Variants in FBXL13 observed in about 807,000 individuals in gnomAD.
FBXL13 encodes F-box and leucine-rich repeat protein 13.
FBXL13 carries 67 observed loss-of-function variants against 83.6 expected under a neutral mutation model. That is an observed-to-expected ratio of 0.80 (90% CI 0.66 to 0.98). The LOEUF (loss-of-function observed/expected upper bound fraction) is 0.98. Among genes scored for constraint, FBXL13 ranks in the 50% least tolerant of loss-of-function variants. The probability of loss-of-function intolerance (pLI) is 0.00; values close to 1 mark genes in which losing one functional copy is unlikely to be tolerated. For synonymous variants in FBXL13, 272 were observed against 299.5 expected (o/e 0.91, Z 0.95); for missense variants, 822 against 866.5 (o/e 0.95, Z 0.64).
At chr7:102,912,564 C>T (rs937735993) in intron 11 of FBXL13, among the ~76,000 whole-genome samples, 5 of 151,982 alleles carry the variant, frequency 3.3e-5, no homozygotes, top group African/African-American at 9.7e-5. Flanking sequence ...TATTTTCCCA[C>T]GCAGATCTCA....
At chr7:103,004,377 G>C (rs1475185543) in intron 6 of FBXL13, among the ~76,000 whole-genome samples, 2 of 152,218 alleles carry the variant, frequency 1.3e-5, no homozygotes, top group African/African-American at 4.8e-5. Context: ...CCAACTGTGT[G>C]AGAAGAACAC....
At chr7:102,934,198 A>G (rs777751091) in intron 8 of FBXL13, 7 of 1,614,150 alleles carry the variant, frequency 4.3e-6, no homozygotes, top group Middle Eastern at 1.6e-4. Context: ...AGATCCGCAC[A>G]TTGAAGAACA....
intron 8 of FBXL13, among the ~76,000 whole-genome samples, chr7:102,960,291 T>C (rs955947982): frequency 6.6e-6 from 1 of 151,900 alleles, no homozygotes; most frequent in Non-Finnish European, 1.5e-5. Flanking sequence ...CAGGAAGAAG[T>C]TGAATCTCTG....
At chr7:102,832,670 C>T (rs1337581503) in intron 18 of FBXL13, among the ~76,000 whole-genome samples, 170 bp downstream of exon 19, 1 of 152,192 alleles carries the variant, frequency 6.6e-6, no homozygotes, top group African/African-American at 2.4e-5. Flanking sequence ...TACTTTGACA[C>T]CAGTGGAATC....
At chr7:102,825,384 C>A (rs922899293) in intron 18 of FBXL13, among the ~76,000 whole-genome samples, 15 of 152,220 alleles carry the variant, frequency 9.9e-5, no homozygotes, top group African/African-American at 3.6e-4. Flanking sequence ...ATGCTCATCT[C>A]CCTTGCCATG....
At chr7:102,990,991 C>A (rs946042846) in intron 6 of FBXL13, among the ~76,000 whole-genome samples, 2 of 152,146 alleles carry the variant, frequency 1.3e-5, no homozygotes, top group African/African-American at 2.4e-5. Context: ...TAAATGTGAT[C>A]TGAGAAAGAC....
intron 8 of FBXL13, chr7:102,939,586 G>C (rs1247458240): frequency 6.2e-7 from 1 of 1,612,700 alleles, no homozygotes; most frequent in Non-Finnish European, 8.5e-7. Context: ...ATCGATCCTG[G>C]TAAGTTCCCC....
intron 6 of FBXL13, chr7:102,978,686 GT>G: frequency 4.3e-6 from 1 of 234,840 alleles, no homozygotes. Flanking sequence ...CGTGTTGTCT[GT>G]TGGCACACTC....
Position 102,926,270 on chromosome 7 carries a change from T to C in FBXL13, c.878+4A>G. 6.2e-7 allele frequency: 1 copy of C among 1,611,850 alleles called. No homozygotes were observed. Among genetic ancestry groups the C allele is most frequent in the African/African-American group, 1.3e-5 (1 of 74,948 alleles). On this transcript the variant is annotated splice_donor_region_variant and intron_variant, in intron 10 of 19. Transcript: ENST00000313221. ...CAGTGTCATACAAATAACACAAACA[T>C]TACCTCGGCAGGAGTCGCATCGTCC...
At chr7:102,835,888 C>T (rs916495203) in intron 17 of FBXL13, among the ~76,000 whole-genome samples, 6 of 152,082 alleles carry the variant, frequency 3.9e-5, no homozygotes, top group Non-Finnish European at 4.4e-5. Context: ...GGATTACAGG[C>T]GTGAGCCACC....
chr7:103,061,957 A>C (rs1797954604), intron 1 of FBXL13, among the ~76,000 whole-genome samples: 1 of 142,558 alleles, frequency 7.0e-6, no homozygotes, highest in Non-Finnish European at 1.5e-5. Context: ...AAAAAAAAAA[A>C]CCTGATTGGC....
intron 8 of FBXL13, among the ~76,000 whole-genome samples, chr7:102,950,759 G>T (rs1251164215): frequency 6.6e-6 from 1 of 152,074 alleles, no homozygotes; most frequent in Non-Finnish European, 1.5e-5. Context: ...ATCCAAAAAG[G>T]CTACATACTG....
At chr7:102,870,343 A>C (rs1299793403) in intron 16 of FBXL13, among the ~76,000 whole-genome samples, 1 of 152,194 alleles carries the variant, frequency 6.6e-6, no homozygotes, top group African/African-American at 2.4e-5. Flanking sequence ...TTAAAGAAAG[A>C]ATGAATCCAT....
At chr7:102,935,778 G>T (rs1820192859) in intron 8 of FBXL13, among the ~76,000 whole-genome samples, 1 of 152,128 alleles carries the variant, frequency 6.6e-6, no homozygotes, top group Non-Finnish European at 1.5e-5. Context: ...TAATTTATTT[G>T]TAATATTAAA....
intron 2 of FBXL13, among the ~76,000 whole-genome samples, chr7:103,046,062 G>C (rs1796243763): frequency 6.6e-6 from 1 of 152,162 alleles, no homozygotes; most frequent in Non-Finnish European, 1.5e-5. Flanking sequence ...CAAGAGTTTA[G>C]AGTATGCTCC....
chr7:102,854,443 G>A (rs1584639521), intron 17 of FBXL13, among the ~76,000 whole-genome samples: 1 of 152,114 alleles, frequency 6.6e-6, no homozygotes, highest in East Asian at 1.9e-4. Context: ...AGTGGGTGCA[G>A]CGCACCAGCA....
At chr7:102,997,337 T>C (rs560616938) in intron 6 of FBXL13, among the ~76,000 whole-genome samples, 1 of 152,336 alleles carries the variant, frequency 6.6e-6, no homozygotes, top group East Asian at 1.9e-4. Flanking sequence ...ACACGTGATA[T>C]TTTAATATAT....
intron 19 of FBXL13, among the ~76,000 whole-genome samples, chr7:102,820,067 T>C (rs937594991): frequency 6.6e-6 from 1 of 152,234 alleles, no homozygotes; most frequent in Non-Finnish European, 1.5e-5. Flanking sequence ...GGAGCTTTAC[T>C]AGTCCAAACA....
intron 11 of FBXL13, among the ~76,000 whole-genome samples, chr7:102,912,685 A>AC (rs1814977086): frequency 1.3e-5 from 1 of 75,054 alleles, no homozygotes; most frequent in Admixed American, 1.4e-4. Context: ...CCCCCCCCCC[A>AC]AAAAAAAACC....
Sources: gnomAD v4.1 joint callset for allele counts (sites outside exome capture counted in the v4.1 genomes callset) on GRCh38, gnomAD v4.1.1 for gene constraint, MANE v1.5 for transcripts, NCBI Gene and HGNC (gene_info 2026-07-23, HGNC 2026-07-21) for gene names.